SLC26A9: variants seen among roughly 807,000 people sequenced by gnomAD.
SLC26A9 encodes the protein anion transporter/exchanger protein 9.
In SLC26A9, 46 loss-of-function variants were observed where a neutral mutation model predicts 87.1. The ratio of observed to expected loss-of-function variants is 0.53; its 90% CI spans 0.42 to 0.67. SLC26A9 has a LOEUF of 0.67. Ranked by LOEUF, SLC26A9 falls within the 30% of genes least tolerant of loss-of-function variation. The pLI, the probability that SLC26A9 is intolerant of heterozygous loss-of-function variation, is 0.00. For missense variants in SLC26A9, 927 were observed against 1,018.3 expected (o/e 0.91, Z 1.22); for synonymous variants, 437 against 409.1 (o/e 1.07, Z -0.82).
rs774105878 is a variant in SLC26A9 at position 205,914,912 on chromosome 1, C to T, written c.*445G>A. On this transcript the variant is annotated 3_prime_UTR_variant, in exon 21 of 21. Transcript: ENST00000367135. ...TATCCCTATGTCCGTGACAGCCTGACACCATCTGACACCGAGCCGTGTGGG... is the reference window on the plus strand; with the variant it reads ...TATCCCTATGTCCGTGACAGCCTGATACCATCTGACACCGAGCCGTGTGGG... 2 of 1,613,072 alleles carry T rather than the reference C, an allele frequency of 1.2e-6. No homozygotes were observed. Among genetic ancestry groups the T allele is most frequent in the East Asian group, 2.2e-5 (1 of 44,888 alleles).
intron 1 of SLC26A9, among the ~76,000 whole-genome samples, chr1:205,940,667 G>C (rs1257542195): frequency 6.6e-6 from 1 of 152,158 alleles, no homozygotes; most frequent in Non-Finnish European, 1.5e-5. Context: ...GACTTGATGA[G>C]AGGAACAGCA....
chr1:205,941,310 T>A (rs893800413), intron 1 of SLC26A9, among the ~76,000 whole-genome samples: 3 of 152,044 alleles, frequency 2.0e-5, no homozygotes, highest in African/African-American at 7.2e-5. Context: ...CTGGGATTAC[T>A]GGTGCGCGCC....
Position 205,927,297 on chromosome 1 carries a change from A to G in SLC26A9, c.1216-9T>C, listed in dbSNP as rs968565835. The G allele has an allele frequency of 4.3e-6, 7 of 1,614,018 alleles. No homozygotes were observed. In the Admixed American group the frequency reaches 1.2e-4, roughly 27 times the overall value. On this transcript the variant is annotated splice_polypyrimidine_tract_variant and intron_variant, in intron 10 of 20. Coordinates refer to ENST00000367135, the MANE Select transcript of SLC26A9 (RefSeq NM_052934.4). ...ACACACAGGCTGGCCACCTATTCCG[A>G]GAAAGAGTTGGGGATAGAGGGAAGG...
At chr1:205,935,620 A>G in intron 2 of SLC26A9, 76 bp downstream of exon 2, 1 of 1,593,696 alleles carries the variant, frequency 6.3e-7, no homozygotes, top group Non-Finnish European at 8.6e-7. Flanking sequence ...ATACCAGTGC[A>G]GAAGCCGTGT....
chr1:205,927,673 G>A (rs1356356940), intron 9 of SLC26A9, 68 bp from the exon 10 acceptor site: 2 of 1,484,344 alleles, frequency 1.3e-6, no homozygotes, highest in Non-Finnish European at 1.9e-6. Flanking sequence ...GTGCAGTCAG[G>A]CATGCAAGCT....
At position 205,915,323 on chromosome 1, in the gene SLC26A9, C is replaced by T. The variant is rs1658541682; in HGVS notation, c.*34G>A. 8.1e-6 allele frequency: 13 copies of T among 1,613,768 alleles called. No homozygotes were observed. Among genetic ancestry groups the T allele is most frequent in the Non-Finnish European group, 1.1e-5 (13 of 1,179,832 alleles). On this transcript the variant is annotated 3_prime_UTR_variant, in exon 21 of 21. Coordinates refer to ENST00000367135, the MANE Select transcript of SLC26A9 (RefSeq NM_052934.4). ...CTTTATGGAAGTCCCAAGTGCCAGG[C>T]ACTCTGTAGGCAGCATGAGGACTGG... is the stretch of plus-strand genomic sequence containing the variant.
intron 2 of SLC26A9, 27 bp from the exon 3 acceptor site, chr1:205,933,111 G>A: frequency 1.9e-6 from 3 of 1,614,104 alleles, no homozygotes; most frequent in Non-Finnish European, 1.7e-6. Flanking sequence ...AAAATTTCCA[G>A]TCGGCTCTGC....
chr1:205,935,838 G>A lies in SLC26A9; in HGVS notation c.-18C>T. On this transcript the variant is annotated splice_region_variant and 5_prime_UTR_variant, in exon 2 of 21. Coordinates refer to ENST00000367135, the MANE Select transcript of SLC26A9 (RefSeq NM_052934.4). Reference sequence around the variant, plus strand: ...TGGCTCATATCTGGGGCATTTACAAGCTTTGGGAGAAGCAGAGGAGGGGAG... The same window carrying A: ...TGGCTCATATCTGGGGCATTTACAAACTTTGGGAGAAGCAGAGGAGGGGAG... The A allele has an allele frequency of 6.2e-7, 1 of 1,610,116 alleles. No individual in the cohort carries two copies. The highest frequency in any genetic ancestry group is 8.5e-7 in the Non-Finnish European group (1 of 1,177,376).
At position 205,932,760 on chromosome 1, in the gene SLC26A9, G is replaced by T. The variant is rs2102595944; in HGVS notation, c.318C>A (p.Ser106=). ...ANLPAVNGLY[S]SFFPLLTYFF... ...AGTAGGTCAGGAGGGGGAAGAAGGA[G>T]GAGTAGAGGCCATTGACTGCAGGAA... The change falls in exon 4 of 21, where the codon TCC becomes TCA. Residue 106 remains serine, a synonymous_variant. Coordinates refer to ENST00000367135, the MANE Select transcript of SLC26A9 (RefSeq NM_052934.4). The T allele has an allele frequency of 6.2e-7, 1 of 1,600,218 alleles. No individual in the cohort carries two copies. The highest frequency in any genetic ancestry group is 8.5e-7 in the Non-Finnish European group (1 of 1,173,624).
At chr1:205,920,309 C>G in intron 17 of SLC26A9, 79 bp from the exon 18 acceptor site, 1 of 1,572,670 alleles carries the variant, frequency 6.4e-7, no homozygotes, top group Non-Finnish European at 8.7e-7. Flanking sequence ...ACAAAACGTA[C>G]TTCAGAGGGG....
chr1:205,915,144 C>T lies in SLC26A9; in HGVS notation c.*213G>A. 6.2e-7 allele frequency: 1 copy of T among 1,613,468 alleles called. No individual in the cohort carries two copies. Among genetic ancestry groups the T allele is most frequent in the Non-Finnish European group, 8.5e-7 (1 of 1,179,590 alleles). ...AGAGTGGGCTCACCAGACTCTCACT[C>T]CTGTAAGGGTAGCACCCCCCTGCTG... On this transcript the variant is annotated 3_prime_UTR_variant, in exon 21 of 21. Coordinates refer to ENST00000367135, the MANE Select transcript of SLC26A9 (RefSeq NM_052934.4).
chr1:205,940,721 T>C (rs1404981582), intron 1 of SLC26A9, among the ~76,000 whole-genome samples: 1 of 152,192 alleles, frequency 6.6e-6, no homozygotes, highest in Non-Finnish European at 1.5e-5. Flanking sequence ...AGAGCAGGAC[T>C]GTGAGGGGTC....
At chr1:205,936,073 G>A (rs1399873854) in intron 1 of SLC26A9, among the ~76,000 whole-genome samples, 1 of 152,126 alleles carries the variant, frequency 6.6e-6, no homozygotes, top group East Asian at 1.9e-4. Flanking sequence ...TTTGCTTGGC[G>A]CTCAGCACGT....
In SLC26A9 at chr1:205,915,484, G is replaced by T; in HGVS notation, c.2329-80C>A. 14 of 1,593,710 alleles carry T rather than the reference G, an allele frequency of 8.8e-6. 1 individual carries two copies. The highest frequency in any genetic ancestry group is 1.1e-5 in the Non-Finnish European group (13 of 1,165,130). ...GGGTCACAGTGGCTGCAACCAAGAGGTGACCCTAGGAACCCCTGGCCAGAA... is the reference window on the plus strand; with the variant it reads ...GGGTCACAGTGGCTGCAACCAAGAGTTGACCCTAGGAACCCCTGGCCAGAA... On this transcript the variant is annotated intron_variant, in intron 20 of 20. Transcript: ENST00000367135.
intron 2 of SLC26A9, among the ~76,000 whole-genome samples, chr1:205,934,890 C>T (rs1205152396): frequency 1.3e-5 from 2 of 152,140 alleles, no homozygotes; most frequent in Non-Finnish European, 2.9e-5. Context: ...GTGGGTGATT[C>T]CCCCGGCCTG....
In SLC26A9 at chr1:205,914,934, TG is replaced by T. The variant is rs536446020; in HGVS notation, c.*422del. On this transcript the variant is annotated 3_prime_UTR_variant, in exon 21 of 21. Transcript: ENST00000367135. The stretch of plus-strand genomic sequence containing the variant: ...TGACACCATCTGACACCGAGCCGTG[TG>T]GGCTCTGGGACACTTTTTGAAGCTT... 1.4e-4 allele frequency: 230 copies of T among 1,614,108 alleles called. 1 individual carries two copies. In the East Asian group the frequency reaches 4.2e-3, roughly 30 times the overall value.
intron 5 of SLC26A9, among the ~76,000 whole-genome samples, chr1:205,931,060 G>A (rs1331195515): frequency 1.3e-5 from 2 of 152,208 alleles, no homozygotes; most frequent in African/African-American, 4.8e-5. Flanking sequence ...ATGAATGAGT[G>A]AATGAAAAGG....
At chr1:205,919,114 G>A in intron 18 of SLC26A9, 129 bp from the exon 19 acceptor site, 1 of 1,176,514 alleles carries the variant, frequency 8.5e-7, no homozygotes, top group African/African-American at 1.5e-5. Context: ...TGTATCTGAG[G>A]GCCATGGCAT....
At chr1:205,926,473 G>T in intron 12 of SLC26A9, 62 bp downstream of exon 12, 1 of 1,340,844 alleles carries the variant, frequency 7.5e-7, no homozygotes, top group Non-Finnish European at 1.1e-6. Context: ...GGCTGACAGG[G>T]CTGTGGGGTT....
Sources: allele counts gnomAD v4.1 joint callset (sites outside exome capture counted in the v4.1 genomes callset), GRCh38; gene constraint gnomAD v4.1.1; transcripts MANE v1.5; gene names NCBI Gene and HGNC (gene_info 2026-07-23, HGNC 2026-07-21).